Variants in SLCO1A2 observed in about 807,000 individuals in gnomAD.
SLCO1A2 encodes OATP-1.
SLCO1A2 carries 67 observed loss-of-function variants against 69.0 expected under a neutral mutation model. The observed-to-expected ratio is 0.97, with a 90% CI of 0.80 to 1.19. The LOEUF is 1.19. Ranked by LOEUF, SLCO1A2 falls within the 50% of genes most tolerant of loss-of-function variation. The pLI is 0.00. For synonymous variants in SLCO1A2, 260 were observed against 265.9 expected, an observed-to-expected ratio of 0.98 and a Z score of 0.22; for missense variants, 787 against 793.7, an observed-to-expected ratio of 0.99 and a Z score of 0.10.
Position 21,264,858 on chromosome 12 carries a change from T to C in SLCO1A2, c.*4690A>G, listed in dbSNP as rs1166695211. 1 of 152,264 alleles carries C rather than the reference T, an allele frequency of 6.6e-6. No individual in the cohort carries two copies. The allele number at this position is 152,264 out of a possible 1,614,324, so 9.4% of individuals were successfully genotyped here. ...GCAGGAATATTTACAACAGTAAGAC[T>C]GTGAAGTTGTGGCGTCTAGAGGGGA... On this transcript the variant is annotated 3_prime_UTR_variant, in exon 15 of 15. Transcript: ENST00000683939.
chr12:21,324,097 AT>A (rs1481464814), intron 2 of SLCO1A2, among the ~76,000 whole-genome samples: 1 of 152,226 alleles, frequency 6.6e-6, no homozygotes, highest in Non-Finnish European at 1.5e-5. Flanking sequence ...TCAAAAGAGT[AT>A]TTGTGTGTCA....
At chr12:21,323,437 T>C (rs2136870850) in intron 2 of SLCO1A2, among the ~76,000 whole-genome samples, 1 of 152,138 alleles carries the variant, frequency 6.6e-6, no homozygotes, top group South Asian at 2.1e-4. Context: ...TGGTGGTGCA[T>C]GCCTGTAGTG....
intron 2 of SLCO1A2, among the ~76,000 whole-genome samples, chr12:21,332,150 T>C (rs1040353146): frequency 8.5e-5 from 13 of 152,148 alleles, no homozygotes; most frequent in Admixed American, 4.6e-4. Flanking sequence ...AAAACATGTG[T>C]TCAAGGTGGA....
Position 21,266,076 on chromosome 12 carries a change from T to A in SLCO1A2, c.*3472A>T, listed in dbSNP as rs1212972692. The A allele has an allele frequency of 1.3e-5, 2 of 152,144 alleles. No individual in the cohort carries two copies. Among genetic ancestry groups the A allele is most frequent in the Non-Finnish European group, 2.9e-5 (2 of 68,030 alleles). The allele number at this position is 152,144 out of a possible 1,614,324, so 9.4% of individuals were successfully genotyped here. A position where few individuals can be genotyped will look rare whatever the true frequency, so the allele number is the denominator to read the frequency against. On this transcript the variant is annotated 3_prime_UTR_variant, in exon 15 of 15. Coordinates refer to ENST00000683939, the MANE Select transcript of SLCO1A2 (RefSeq NM_001386879.1). ...GGGCTACAAAGCCAAATTATTTACA[T>A]TCTGAAAATGGGGATGCATGAGAGG...
At position 21,342,899 on chromosome 12, in the gene SLCO1A2, G is replaced by A. The variant is rs148648162; in HGVS notation, c.-62-8190C>T. Reference sequence around the variant, plus strand: ...CTAGCTTGATAGTACCAGTACTTGCGATAAAAAATTAGGACAGAGAGCAGC... The same window carrying A: ...CTAGCTTGATAGTACCAGTACTTGCAATAAAAAATTAGGACAGAGAGCAGC... On this transcript the variant is annotated intron_variant, in intron 2 of 15. Coordinates refer to the SLCO1A2 transcript ENST00000307378. Among the ~76,000 whole-genome samples the A allele has an allele frequency of 9.2e-5, 14 of 152,074 alleles. No individual in the cohort carries two copies. In the East Asian group the frequency reaches 2.7e-3, roughly 29 times the overall value.
chr12:21,356,795 A>G (rs942391299), intron 2 of SLCO1A2, among the ~76,000 whole-genome samples: 1 of 152,162 alleles, frequency 6.6e-6, no homozygotes, highest in Non-Finnish European at 1.5e-5. Context: ...AAAAAGTATA[A>G]AGAAGGATTT....
At chr12:21,359,287 A>G (rs1938623076) in intron 2 of SLCO1A2, among the ~76,000 whole-genome samples, 1 of 152,182 alleles carries the variant, frequency 6.6e-6, no homozygotes, top group African/African-American at 2.4e-5. Flanking sequence ...GTCTGTGGAA[A>G]CCAATCACCA....
At chr12:21,359,682 G>A (rs1484244492) in intron 2 of SLCO1A2, among the ~76,000 whole-genome samples, 1 of 151,784 alleles carries the variant, frequency 6.6e-6, no homozygotes, top group African/African-American at 2.4e-5. Flanking sequence ...AGGAGGCAGA[G>A]CTTGCAGTGA....
intron 2 of SLCO1A2, among the ~76,000 whole-genome samples, chr12:21,369,366 C>T (rs1302519293): frequency 6.6e-6 from 1 of 152,132 alleles, no homozygotes; most frequent in Non-Finnish European, 1.5e-5. Context: ...TCACTGACAT[C>T]GTCTGCTAAT....
At chr12:21,401,654 CT>C (rs1157244259) in intron 1 of SLCO1A2, among the ~76,000 whole-genome samples, 1 of 150,850 alleles carries the variant, frequency 6.6e-6, no homozygotes, top group Non-Finnish European at 1.5e-5. Flanking sequence ...TTTATTTCTA[CT>C]TTTTTGTTTG....
At chr12:21,393,699 CT>C (rs1941276266) in intron 1 of SLCO1A2, among the ~76,000 whole-genome samples, 2 of 152,138 alleles carry the variant, frequency 1.3e-5, no homozygotes, top group South Asian at 2.1e-4. Context: ...GTTACTAATC[CT>C]TTTTTCAATC....
At chr12:21,393,095 G>T (rs781045686) in intron 1 of SLCO1A2, among the ~76,000 whole-genome samples, 7 of 152,118 alleles carry the variant, frequency 4.6e-5, no homozygotes, top group Admixed American at 3.3e-4. Flanking sequence ...CTCTTGTTTA[G>T]CACTGGCCAA....
At chr12:21,314,402 T>C (rs973426690) in intron 4 of SLCO1A2, 147 bp downstream of exon 4, 18 of 835,362 alleles carry the variant, frequency 2.2e-5, no homozygotes, top group South Asian at 4.0e-5. Context: ...GAGCACCAAA[T>C]AGACAGATGG....
chr12:21,273,175 T>C (rs1237109536), intron 14 of SLCO1A2, among the ~76,000 whole-genome samples: 1 of 152,148 alleles, frequency 6.6e-6, no homozygotes, highest in East Asian at 1.9e-4. Context: ...TAGAAAGTCC[T>C]GAGTTTAGGA....
chr12:21,333,754 G>A (rs1462809385), intron 2 of SLCO1A2, among the ~76,000 whole-genome samples: 2 of 151,986 alleles, frequency 1.3e-5, no homozygotes, highest in African/African-American at 2.4e-5. Context: ...AATCCTATAA[G>A]GTGGGAATGT....
intron 1 of SLCO1A2, among the ~76,000 whole-genome samples, chr12:21,378,007 G>A (rs1460079198): frequency 6.6e-6 from 1 of 152,032 alleles, no homozygotes; most frequent in African/African-American, 2.4e-5. Context: ...ACTTTTAACT[G>A]AGAAATGCAA....
At chr12:21,348,911 C>T (rs1022903552) in intron 2 of SLCO1A2, among the ~76,000 whole-genome samples, 7 of 152,242 alleles carry the variant, frequency 4.6e-5, no homozygotes, top group East Asian at 1.9e-4. Context: ...ATGTAAACTA[C>T]GGCCTTCGGG....
At chr12:21,346,905 T>C (rs1953268830) in intron 2 of SLCO1A2, among the ~76,000 whole-genome samples, 1 of 152,138 alleles carries the variant, frequency 6.6e-6, no homozygotes, top group Non-Finnish European at 1.5e-5. Flanking sequence ...AGAAGAACAT[T>C]TCCTTCACTC....
intron 2 of SLCO1A2, among the ~76,000 whole-genome samples, chr12:21,367,023 AG>A (rs1043105747): frequency 1.3e-5 from 2 of 151,976 alleles, no homozygotes; most frequent in African/African-American, 4.8e-5. Flanking sequence ...CTCAGTCAAT[AG>A]AAAAAGATCC....
Sources: gnomAD v4.1 joint callset for allele counts (sites outside exome capture counted in the v4.1 genomes callset) on GRCh38, gnomAD v4.1.1 for gene constraint, MANE v1.5 for transcripts, NCBI Gene and HGNC (gene_info 2026-07-23, HGNC 2026-07-21) for gene names.